MDK: variants seen among roughly 807,000 people sequenced by gnomAD.
MDK encodes midkine.
Under a neutral mutation model 18.9 loss-of-function variants are expected in MDK, and 17 were observed. The observed-to-expected ratio is 0.90, with a 90% CI of 0.62 to 1.35. MDK has a LOEUF of 1.35. MDK is among the 40% of genes most tolerant of loss of function. The pLI, the probability that MDK is intolerant of heterozygous loss-of-function variation, is 0.00. For missense variants in MDK, 180 were observed against 186.3 expected, an observed-to-expected ratio of 0.97 and a Z score of 0.20; for synonymous variants, 86 against 74.3, an observed-to-expected ratio of 1.16 and a Z score of -0.81.
Position 46,383,683 on chromosome 11 carries a change from G to A in MDK, c.*189G>A. On this transcript the variant is annotated 3_prime_UTR_variant, in exon 5 of 5. Coordinates refer to ENST00000395566, the MANE Select transcript of MDK (RefSeq NM_002391.6). Reference sequence around the variant, plus strand: ...AAGTGCCCAAAGTGGGGAGGGACAAGGGATTCTGGGAAGCTTGAGCCTCCC... The same window carrying A: ...AAGTGCCCAAAGTGGGGAGGGACAAAGGATTCTGGGAAGCTTGAGCCTCCC... 1.4e-6 allele frequency: 1 copy of A among 694,838 alleles called. No homozygotes were observed. The highest frequency in any genetic ancestry group is 1.5e-5 in the South Asian group (1 of 67,194). 43.0% of individuals were successfully genotyped at this position (694,838 alleles called of 1,614,324 possible).
intron 4 of MDK, 33 bp downstream of exon 4, chr11:46,382,781 C>CGGGGGG (rs1342765590): frequency 1.3e-5 from 6 of 470,104 alleles, no homozygotes; most frequent in East Asian, 1.9e-4. Flanking sequence ...GGGGCTGTCG[C>CGGGGGG]GGGGGGCTGC....
chr11:46,382,975 C>G lies in MDK; in HGVS notation c.406+227C>G, dbSNP rs993257814. The G allele has an allele frequency of 4.4e-5, 26 of 594,026 alleles. No homozygotes were observed. The African/African-American group carries it at 4.7e-4, about 11-fold the overall frequency. The allele number at this position is 594,026 out of a possible 1,614,324, so 36.8% of individuals were successfully genotyped here. On this transcript the variant is annotated intron_variant, in intron 4 of 4. Transcript: ENST00000395566. ...AAATCCTCCCTGGCCCAAATAGGGA[C>G]CAACTCAAACTACTCCATTGGAGCA... is the stretch of plus-strand genomic sequence containing the variant.
Position 46,383,776 on chromosome 11 carries a change from C to T in MDK, c.*282C>T, listed in dbSNP as rs116869512. On this transcript the variant is annotated 3_prime_UTR_variant, in exon 5 of 5. Transcript: ENST00000395566. ...ACAATTCCATTACTAAGAAACACAT[C>T]AAATAAACTGACTTTTTCCCCCCAA... 1.9e-6 allele frequency: 1 copy of T among 534,014 alleles called. No homozygotes were observed. Among genetic ancestry groups the T allele is most frequent in the East Asian group, 3.5e-5 (1 of 28,472 alleles). 33.1% of individuals were successfully genotyped at this position (534,014 alleles called of 1,614,324 possible).
Position 46,382,448 on chromosome 11 carries a change from G to A in MDK, c.231G>A (p.Lys77=). The A allele has an allele frequency of 2.0e-6, 3 of 1,524,470 alleles. No homozygotes were observed. The highest frequency in any genetic ancestry group is 2.6e-6 in the Non-Finnish European group (3 of 1,134,926). 94.4% of individuals were successfully genotyped at this position (1,524,470 alleles called of 1,614,324 possible). A position where few individuals can be genotyped will look rare whatever the true frequency, so the allele number is the denominator to read the frequency against. The part of the protein sequence containing the change: ...RIRCRVPCNW[K]KEFGADCKYK... ...GGTGCAGGGTGCCCTGCAACTGGAA[G>A]AAGGAGTTTGGAGGTGAGGCGGGGC... Residue 77 remains lysine, a synonymous_variant, in exon 3 of 5, where the codon AAG becomes AAA. Transcript: ENST00000395566.
At chr11:46,382,790 GC>G (rs74916763) in intron 4 of MDK, 42 bp downstream of exon 4, 185,003 of 970,604 alleles carry the variant, frequency 0.19, 908 homozygotes, top group East Asian at 0.23. Flanking sequence ...GCGGGGGGCT[GC>G]CCCCCCCCCC....
At chr11:46,382,805 C>CCCCCCCCCCGGGG in intron 4 of MDK, 57 bp downstream of exon 4, 1 of 1,478,604 alleles carries the variant, frequency 6.8e-7, no homozygotes, top group South Asian at 1.2e-5. Context: ...CCCCCCCCCC[C>CCCCCCCCCCGGGG]GCCTGTGAGG....
intron 1 of MDK, 108 bp from the exon 2 acceptor site, chr11:46,381,949 C>T (rs1388281645): frequency 6.6e-6 from 8 of 1,219,646 alleles, no homozygotes; most frequent in African/African-American, 1.5e-5. Context: ...CTTAGCAGCC[C>T]GACTTGGGGC....
rs753468581 is a variant in MDK, at chr11:46,382,082, C to T, written c.25C>T (p.Leu9Phe). MQHRGFLL[L>F]TLLALLALTS... ...GATGCAGCACCGAGGCTTCCTCCTC[C>T]TCACCCTCCTCGCCCTGCTGGCGCT... The change falls in exon 2 of 5, where the codon CTC becomes TTC. Residue 9 changes from leucine to phenylalanine, a missense_variant. Physicochemically the swap from Leu to Phe is conservative, Grantham distance 22. Transcript: ENST00000395566. 1.5e-5 allele frequency: 24 copies of T among 1,610,060 alleles called. No homozygotes were observed. The South Asian group carries it at 2.2e-4, about 15-fold the overall frequency.
At chr11:46,382,970 A>G (rs1038191368) in intron 4 of MDK, 3 of 599,748 alleles carry the variant, frequency 5.0e-6, no homozygotes, top group Non-Finnish European at 8.9e-6. Flanking sequence ...TGGCCCAAAT[A>G]GGGACCAACT....
rs561867960 is a variant in MDK at position 46,383,734 on chromosome 11, C to A, written c.*240C>A. The A allele has an allele frequency of 1.6e-6, 1 of 640,426 alleles. No individual in the cohort carries two copies. Among genetic ancestry groups the A allele is most frequent in the Non-Finnish European group, 2.9e-6 (1 of 344,882 alleles). The allele number at this position is 640,426 out of a possible 1,614,324, so 39.7% of individuals were successfully genotyped here. Reference sequence around the variant, plus strand: ...CCAAAGCAATGTGAGTCCCAGAGCCCGCTTTTGTTCTTCCCCACAATTCCA... The same window carrying A: ...CCAAAGCAATGTGAGTCCCAGAGCCAGCTTTTGTTCTTCCCCACAATTCCA... On this transcript the variant is annotated 3_prime_UTR_variant, in exon 5 of 5. Coordinates refer to ENST00000395566, the MANE Select transcript of MDK (RefSeq NM_002391.6).
Position 46,382,192 on chromosome 11 carries a change from G to C in MDK, c.76+59G>C. 1.9e-6 allele frequency: 3 copies of C among 1,606,094 alleles called. No individual in the cohort carries two copies. In the South Asian group the frequency reaches 3.3e-5, roughly 18 times the overall value. On this transcript the variant is annotated intron_variant, in intron 2 of 4. Coordinates refer to ENST00000395566, the MANE Select transcript of MDK (RefSeq NM_002391.6). ...GGGCAGGCGAGGCCCCTCCACTTCT[G>C]GGCTGGGCCGCCTGGGTTCCTAGCC... is the stretch of plus-strand genomic sequence containing the variant.
At chr11:46,381,988 G>A (rs1272233298) in intron 1 of MDK, 69 bp from the exon 2 acceptor site, 2 of 1,483,528 alleles carry the variant, frequency 1.3e-6, no homozygotes, top group East Asian at 2.5e-5. Flanking sequence ...GGAGGTGGGA[G>A]GGCCCTGCAC....
chr11:46,382,248 G>T (rs1454070355), intron 2 of MDK, 46 bp from the exon 3 acceptor site: 1 of 1,603,910 alleles, frequency 6.2e-7, no homozygotes, highest in East Asian at 2.2e-5. Flanking sequence ...TCCCGAGGGA[G>T]TCTCCCCGTG....
intron 4 of MDK, 121 bp downstream of exon 4, chr11:46,382,869 C>A: frequency 1.7e-6 from 2 of 1,159,454 alleles, no homozygotes; most frequent in Non-Finnish European, 2.5e-6. Context: ...GGCTTCCTGA[C>A]ATCGCCTCAC....
In MDK at chr11:46,382,624, T is replaced by G. The variant is rs1247367579; in HGVS notation, c.282T>G (p.Cys94Trp). The G allele has an allele frequency of 1.9e-6, 3 of 1,612,584 alleles. No homozygotes were observed. The highest frequency in any genetic ancestry group is 2.5e-6 in the Non-Finnish European group (3 of 1,179,760). ...CKYKFENWGA[C>W]DGGTGTKVRQ... is the part of the protein sequence containing the mutation. ...ACAAGTTTGAGAACTGGGGTGCGTG[T>G]GATGGGGGCACAGGCACCAAAGTCC... is the stretch of plus-strand genomic sequence containing the variant. The change falls in exon 4 of 5, where the codon TGT (cysteine) becomes TGG (tryptophan). Residue 94 changes from cysteine to tryptophan, a missense_variant. By Grantham distance (215) the Cys-to-Trp change is radical (BLOSUM62 -2). Coordinates refer to ENST00000395566, the MANE Select transcript of MDK (RefSeq NM_002391.6).
At position 46,383,547 on chromosome 11, in the gene MDK, C is replaced by T. The variant is rs557156320; in HGVS notation, c.*53C>T. The T allele has an allele frequency of 5.2e-6, 8 of 1,549,052 alleles. No homozygotes were observed. The highest frequency in any genetic ancestry group is 5.0e-5 in the Admixed American group (3 of 59,938). ...CTGGTGTCACATGGGGCCTGGCCCA[C>T]GCCCTCCCTCTCCCAGGCCCGAGAT... On this transcript the variant is annotated 3_prime_UTR_variant, in exon 5 of 5. Transcript: ENST00000395566.
Position 46,382,576 on chromosome 11 carries a change from T to C in MDK, c.245-11T>C. On this transcript the variant is annotated splice_polypyrimidine_tract_variant and intron_variant, in intron 3 of 4. Coordinates refer to ENST00000395566, the MANE Select transcript of MDK (RefSeq NM_002391.6). ...GCCGCGCAGCGCTGACCTGGGCCGC[T>C]CTCTCGCCAGCCGACTGCAAGTACA... The C allele has an allele frequency of 2.5e-6, 4 of 1,603,914 alleles. No individual in the cohort carries two copies. The highest frequency in any genetic ancestry group is 1.3e-5 in the African/African-American group (1 of 74,776).
chr11:46,383,277 A>G, intron 4 of MDK, 192 bp from the exon 5 acceptor site: 2 of 542,206 alleles, frequency 3.7e-6, no homozygotes, highest in Non-Finnish European at 3.3e-6. Context: ...AAGTGGAAAT[A>G]GGAAGCTGGG....
At position 46,383,490 on chromosome 11, in the gene MDK, ACTAGACGCCAAGC is replaced by A. The variant is rs1452438020; in HGVS notation, c.431_*11del. The A allele has an allele frequency of 2.5e-6, 4 of 1,611,664 alleles. No individual in the cohort carries two copies. Among genetic ancestry groups the A allele is most frequent in the Non-Finnish European group, 2.5e-6 (3 of 1,178,686 alleles). On this transcript the variant is annotated stop_lost and 3_prime_UTR_variant, in exon 5 of 5. Coordinates refer to ENST00000395566, the MANE Select transcript of MDK (RefSeq NM_002391.6). Reference sequence around the variant, plus strand: ...ACAGCCAAGAAAGGGAAGGGAAAGGACTAGACGCCAAGCCTGGATGCCAAGGAGCCCCTGGTGT... The same window carrying A: ...ACAGCCAAGAAAGGGAAGGGAAAGGACTGGATGCCAAGGAGCCCCTGGTGT...
Sources: allele counts gnomAD v4.1 joint callset, GRCh38; gene constraint gnomAD v4.1.1; transcripts MANE v1.5; gene names NCBI Gene and HGNC (gene_info 2026-07-23, HGNC 2026-07-21).